THSD7B: variants seen among roughly 807,000 people sequenced by gnomAD.
The protein encoded by THSD7B is thrombospondin type 1 domain containing 7B.
Under a neutral mutation model 213.6 loss-of-function variants are expected in THSD7B, and 138 were observed. The observed-to-expected ratio is 0.65, with a 90% CI of 0.56 to 0.74. The LOEUF (loss-of-function observed/expected upper bound fraction) is 0.74. Ranked by LOEUF, THSD7B falls within the 30% of genes least tolerant of loss-of-function variation. THSD7B has a pLI of 0.00. For synonymous variants in THSD7B, 742 were observed against 687.0 expected, an observed-to-expected ratio of 1.08 and a Z score of -1.25; for missense variants, 1,931 against 1,991.5, an observed-to-expected ratio of 0.97 and a Z score of 0.58.
At chr2:136,971,612 C>T (rs1205583065) in intron 2 of THSD7B, among the ~76,000 whole-genome samples, 1 of 141,394 alleles carries the variant, frequency 7.1e-6, no homozygotes, top group African/African-American at 2.5e-5. Context: ...AACACAAATA[C>T]AAAGTCACTG....
chr2:136,891,121 T>C (rs1469631527), intron 2 of THSD7B, among the ~76,000 whole-genome samples: 1 of 152,122 alleles, frequency 6.6e-6, no homozygotes. Context: ...AATTTCATCT[T>C]GTTTCATAGA....
intron 7 of THSD7B, among the ~76,000 whole-genome samples, chr2:137,194,247 C>T (rs1680715654): frequency 6.6e-6 from 1 of 152,052 alleles, no homozygotes; most frequent in Non-Finnish European, 1.5e-5. Flanking sequence ...GCAGGAGTTG[C>T]TGAGGGTGGG....
chr2:136,877,913 A>G (rs1048533735), intron 1 of THSD7B, among the ~76,000 whole-genome samples: 4 of 148,142 alleles, frequency 2.7e-5, no homozygotes, highest in African/African-American at 1.0e-4. Flanking sequence ...TGCAATAGCC[A>G]TTTCTTTTCT....
rs577256432 is a variant in THSD7B at position 136,782,629 on chromosome 2, G to T, written c.-36+16942G>T. The stretch of plus-strand genomic sequence containing the variant: ...TACCTGAGGCTGGGGTGGTTGGGGG[G>T]TTGGGGAGATGTTGGTCAAAGGATA... On this transcript the variant is annotated intron_variant, in intron 1 of 27. Transcript: ENST00000409968. Among the ~76,000 whole-genome samples, 36 of 152,138 alleles carry T rather than the reference G, an allele frequency of 2.4e-4. No individual in the cohort carries two copies. In the Middle Eastern group the frequency reaches 0.01, roughly 43 times the overall value.
intron 1 of THSD7B, among the ~76,000 whole-genome samples, chr2:136,791,202 T>C (rs1359619887): frequency 6.6e-6 from 1 of 151,984 alleles, no homozygotes; most frequent in East Asian, 1.9e-4. Context: ...TTCTAGGTTT[T>C]CTCCCCTCCA....
chr2:137,003,607 C>T (rs1489579526), intron 2 of THSD7B, among the ~76,000 whole-genome samples: 1 of 152,138 alleles, frequency 6.6e-6, no homozygotes, highest in Non-Finnish European at 1.5e-5. Context: ...TCTCTTGTAG[C>T]ACTGGGAAGA....
chr2:137,398,759 CA>C (rs1686270771), intron 12 of THSD7B, among the ~76,000 whole-genome samples: 1 of 152,196 alleles, frequency 6.6e-6, no homozygotes, highest in Non-Finnish European at 1.5e-5. Flanking sequence ...GCCCCTCCCC[CA>C]GCCTCGCTGC....
At chr2:136,942,834 C>G (rs501361) in intron 2 of THSD7B, among the ~76,000 whole-genome samples, 72,641 of 151,452 alleles carry the variant, frequency 0.48, 18,530 homozygotes, top group Non-Finnish European at 0.58. Flanking sequence ...TAATTGAATA[C>G]CATTTATTTC....
chr2:137,164,881 G>T (rs376692891), intron 6 of THSD7B, among the ~76,000 whole-genome samples: 1 of 152,158 alleles, frequency 6.6e-6, no homozygotes, highest in East Asian at 1.9e-4. Flanking sequence ...GGCCTGTCGT[G>T]GGGTGGGGGA....
At chr2:137,078,268 C>A in intron 3 of THSD7B, among the ~76,000 whole-genome samples, 2 of 152,140 alleles carry the variant, frequency 1.3e-5, no homozygotes, top group East Asian at 3.9e-4. Context: ...GTGATGCCTC[C>A]AGCTTTGTTC....
At chr2:137,114,649 A>G (rs1688412901) in intron 4 of THSD7B, among the ~76,000 whole-genome samples, 1 of 152,240 alleles carries the variant, frequency 6.6e-6, no homozygotes, top group Non-Finnish European at 1.5e-5. Context: ...AAGAAGACTG[A>G]AAAGTTGGAG....
chr2:137,346,788 T>G (rs1426133267), intron 12 of THSD7B, among the ~76,000 whole-genome samples: 2 of 151,642 alleles, frequency 1.3e-5, no homozygotes, highest in African/African-American at 4.8e-5. Context: ...TTTATGTTTG[T>G]GTGTATGTAC....
chr2:136,961,642 G>T (rs1161311711), intron 2 of THSD7B, among the ~76,000 whole-genome samples: 2 of 152,136 alleles, frequency 1.3e-5, no homozygotes, highest in Admixed American at 6.5e-5. Flanking sequence ...TGGAAACAAG[G>T]AGGAACTTAT....
intron 10 of THSD7B, among the ~76,000 whole-genome samples, chr2:137,255,866 T>A (rs919616780): frequency 6.6e-6 from 1 of 152,064 alleles, no homozygotes; most frequent in Non-Finnish European, 1.5e-5. Context: ...TATTTTTATG[T>A]TTTTAGAGGT....
chr2:137,648,944 T>G (rs1683088144), intron 21 of THSD7B, among the ~76,000 whole-genome samples: 1 of 152,208 alleles, frequency 6.6e-6, no homozygotes, highest in East Asian at 1.9e-4. Flanking sequence ...TTACCTGTCT[T>G]TTTTATAATA....
intron 10 of THSD7B, among the ~76,000 whole-genome samples, chr2:137,269,273 T>A (rs892559055): frequency 1.3e-5 from 2 of 152,214 alleles, no homozygotes; most frequent in Non-Finnish European, 2.9e-5. Context: ...CATCTGAATA[T>A]CTGTAGGGCA....
At chr2:136,858,016 T>C (rs1469517) in intron 1 of THSD7B, among the ~76,000 whole-genome samples, 119,540 of 152,144 alleles carry the variant, frequency 0.79, 47,243 homozygotes, top group Middle Eastern at 0.93. Context: ...GAAATGTTTG[T>C]AGAGTCTGTA....
At chr2:136,821,964 G>A (rs1037140579) in intron 1 of THSD7B, among the ~76,000 whole-genome samples, 4 of 152,064 alleles carry the variant, frequency 2.6e-5, no homozygotes, top group African/African-American at 4.8e-5. Context: ...ATTACATCAG[G>A]ATATGAATAA....
intron 1 of THSD7B, among the ~76,000 whole-genome samples, chr2:136,858,824 T>A (rs1001453684): frequency 3.9e-5 from 6 of 152,186 alleles, no homozygotes; most frequent in Non-Finnish European, 4.4e-5. Context: ...TATCTTCCCA[T>A]GGTGCGCCCT....
Sources: allele counts gnomAD v4.1 joint callset (sites outside exome capture counted in the v4.1 genomes callset), GRCh38; gene constraint gnomAD v4.1.1; transcripts MANE v1.5; gene names NCBI Gene and HGNC (gene_info 2026-07-23, HGNC 2026-07-21).